Variants in PCLO observed in about 807,000 individuals in gnomAD.
The protein encoded by PCLO is piccolo presynaptic cytomatrix protein, also known as protein piccolo.
In PCLO, 82 loss-of-function variants were observed where a neutral mutation model predicts 427.5. The ratio of observed to expected loss-of-function variants is 0.19; its 90% confidence interval spans 0.16 to 0.23. The LOEUF (loss-of-function observed/expected upper bound fraction) is 0.23, where lower values mean the gene tolerates loss of function less well. PCLO is among the 10% of genes least tolerant of loss of function. The pLI is 1.00. For synonymous variants in PCLO, 2,357 were observed against 2,155.4 expected (o/e 1.09, Z -2.59); for missense variants, 6,239 against 6,115.9 (o/e 1.02, Z -0.67).
chr7:82,886,271 T>G (rs966593704), intron 9 of PCLO, among the ~76,000 whole-genome samples: 3 of 152,154 alleles, frequency 2.0e-5, no homozygotes, highest in Admixed American at 6.5e-5. Context: ...GTTTTATGTA[T>G]GTTTATATCT....
chr7:82,870,882 C>A (rs1434854481), intron 10 of PCLO, among the ~76,000 whole-genome samples: 1 of 151,928 alleles, frequency 6.6e-6, no homozygotes, highest in Non-Finnish European at 1.5e-5. Flanking sequence ...CAAATTAAAA[C>A]CACAGTGAGA....
Position 83,155,712 on chromosome 7 carries a change from G to C in PCLO, c.929C>G (p.Thr310Ser), listed in dbSNP as rs377435737. The C allele has an allele frequency of 1.4e-4, 233 of 1,613,904 alleles. 1 individual carries two copies. Among genetic ancestry groups the C allele is most frequent in the Non-Finnish European group, 1.9e-4 (227 of 1,179,894 alleles). ...SPSKPPIQQP[T>S]PGKPPAQQPG... ...CTGCTGTGCTGGAGGTTTTCCAGGA[G>C]TTGGTTGCTGAATAGGTGGTTTGGA... Residue 310 changes from threonine to serine, a missense_variant, in exon 2 of 25, where the codon ACT becomes AGT. Thr to Ser is a moderately conservative substitution (Grantham distance 58). This residue lies in a region of PCLO where 4,677 missense variants were observed against 4,468.4 expected (regional missense o/e 1.05). Coordinates refer to ENST00000333891, the MANE Select transcript of PCLO (RefSeq NM_033026.6).
chr7:82,805,904 C>T (rs1309099888), intron 20 of PCLO, 75 bp from the exon 21 acceptor site: 3 of 1,374,214 alleles, frequency 2.2e-6, no homozygotes, highest in African/African-American at 1.4e-5. Flanking sequence ...CATCATTATA[C>T]ATCTTCTTAA....
At position 83,152,497 on chromosome 7, in the gene PCLO, C is replaced by T. The variant is rs76181435; in HGVS notation, c.1893+2251G>A. Among the ~76,000 whole-genome samples the T allele has an allele frequency of 1.1e-3, 170 of 152,260 alleles. 4 individuals carry two copies. The East Asian group carries it at 0.026, about 23-fold the overall frequency. ...AAAGTAGAAAGCTCATCACTACCTG[C>T]TAAATGTGTAAGGCTAAAATCTGAC... On this transcript the variant is annotated intron_variant, in intron 2 of 24. Transcript: ENST00000333891.
At chr7:82,839,110 CTT>C (rs1430213170) in intron 14 of PCLO, among the ~76,000 whole-genome samples, 2 of 151,894 alleles carry the variant, frequency 1.3e-5, no homozygotes, top group East Asian at 3.9e-4. Flanking sequence ...TTGAAAGACT[CTT>C]TTGGCATCAT....
rs146134579 is a variant in PCLO, at chr7:83,082,698, A to G, written c.3300+51552T>C. Reference sequence around the variant, plus strand: ...AAGCCTTGAAGTGATAGATACCCTAATTACTCCGATTTGATCATTACACAT... The same window carrying G: ...AAGCCTTGAAGTGATAGATACCCTAGTTACTCCGATTTGATCATTACACAT... On this transcript the variant is annotated intron_variant, in intron 3 of 24. Coordinates refer to ENST00000333891, the MANE Select transcript of PCLO (RefSeq NM_033026.6). 3.0e-3 allele frequency among the ~76,000 whole-genome samples: 452 copies of G among 151,878 alleles called. 2 individuals carry two copies. Among genetic ancestry groups the G allele is most frequent in the African/African-American group, 0.01 (434 of 41,516 alleles).
At chr7:83,161,837 C>A (rs1792444852) in intron 1 of PCLO, among the ~76,000 whole-genome samples, 3 of 152,192 alleles carry the variant, frequency 2.0e-5, no homozygotes, top group Admixed American at 2.0e-4. Flanking sequence ...ACCTAAACAG[C>A]TTCTGCTCTC....
chr7:82,844,712 CT>C (rs1173919426), intron 13 of PCLO, among the ~76,000 whole-genome samples: 1 of 151,942 alleles, frequency 6.6e-6, no homozygotes, highest in Non-Finnish European at 1.5e-5. Flanking sequence ...TAATTTTATG[CT>C]TTTTTAAATT....
At chr7:82,765,858 G>T (rs1251854295) in intron 22 of PCLO, among the ~76,000 whole-genome samples, 3 of 151,104 alleles carry the variant, frequency 2.0e-5, no homozygotes, top group Non-Finnish European at 4.4e-5. Flanking sequence ...CAGATCTTAA[G>T]ATCTCCCTTC....
intron 20 of PCLO, among the ~76,000 whole-genome samples, chr7:82,817,483 A>G (rs2115611109): frequency 6.6e-6 from 1 of 152,164 alleles, no homozygotes; most frequent in East Asian, 1.9e-4. Context: ...ATTAGCTACT[A>G]TCATCTGTAC....
At chr7:82,783,085 G>T (rs1562784045) in intron 22 of PCLO, among the ~76,000 whole-genome samples, 1 of 152,172 alleles carries the variant, frequency 6.6e-6, no homozygotes. Context: ...TTCATCCCTT[G>T]CCTTATAGAA....
intron 2 of PCLO, among the ~76,000 whole-genome samples, chr7:83,152,038 C>T (rs914091104): frequency 6.6e-6 from 1 of 151,620 alleles, no homozygotes; most frequent in Non-Finnish European, 1.5e-5. Flanking sequence ...GATCTTGGCT[C>T]ACTGCAAGCT....
At position 82,952,635 on chromosome 7, in the gene PCLO, G is replaced by A. The variant is rs374547054; in HGVS notation, c.8318C>T (p.Pro2773Leu). 30 of 1,613,894 alleles carry A rather than the reference G, an allele frequency of 1.9e-5. No homozygotes were observed. The East Asian group carries it at 2.5e-4, about 13-fold the overall frequency. Reference protein sequence around the residue: ...VYGKQISAVQPSIINLSVTSS... With the variant: ...VYGKQISAVQLSIINLSVTSS... Reference sequence around the variant, plus strand: ...TGTCACACTAAGATTTATAATAGAGGGTTGGACAGCACTAATTTGTTTCCC... The same window carrying A: ...TGTCACACTAAGATTTATAATAGAGAGTTGGACAGCACTAATTTGTTTCCC... The change falls in exon 5 of 25, where the codon CCC (proline) becomes CTC (leucine). Residue 2773 changes from proline to leucine, a missense_variant. Transcript: ENST00000333891.
At chr7:82,860,462 A>C (rs1299809506) in intron 10 of PCLO, among the ~76,000 whole-genome samples, 1 of 152,140 alleles carries the variant, frequency 6.6e-6, no homozygotes, top group Non-Finnish European at 1.5e-5. Flanking sequence ...TCTGGTAAAA[A>C]TACCCTTCAA....
chr7:82,888,853 G>A (rs986429403), intron 9 of PCLO, among the ~76,000 whole-genome samples: 1 of 152,074 alleles, frequency 6.6e-6, no homozygotes, highest in African/African-American at 2.4e-5. Context: ...AAGAAACAGA[G>A]CTAATTGTGA....
Position 82,951,375 on chromosome 7 carries a change from T to C in PCLO, c.9213A>G (p.Pro3071=). 1 of 1,605,076 alleles carries C rather than the reference T, an allele frequency of 6.2e-7. No individual in the cohort carries two copies. Among genetic ancestry groups the C allele is most frequent in the Non-Finnish European group, 8.5e-7 (1 of 1,175,416 alleles). ...TCCCCACACAATACTGGGGTCCTGG[T>C]GGTGGTGTCATTCTTGCTGTGGAAT... ...PQYSTARMTP[P]PGPQYCVGSV... is the part of the protein sequence containing the mutation. The change falls in exon 6 of 25, where the codon CCA becomes CCG. Residue 3071 remains proline, a synonymous_variant. Transcript: ENST00000333891.
At chr7:82,807,310 A>C (rs1469856557) in intron 20 of PCLO, among the ~76,000 whole-genome samples, 2 of 152,188 alleles carry the variant, frequency 1.3e-5, no homozygotes, top group Non-Finnish European at 1.5e-5. Context: ...TTCTACTTAG[A>C]GTCTTTTTTC....
chr7:83,087,224 A>T (rs1036742078), intron 3 of PCLO, among the ~76,000 whole-genome samples: 29 of 147,182 alleles, frequency 2.0e-4, no homozygotes, highest in African/African-American at 6.8e-4. Flanking sequence ...AGCATAATAA[A>T]AAAAAAAAAA....
intron 22 of PCLO, 68 bp downstream of exon 22, chr7:82,801,450 A>G: frequency 2.4e-6 from 2 of 818,124 alleles, no homozygotes; most frequent in Non-Finnish European, 4.2e-6. Context: ...TAAAAGAAAA[A>G]CAACTGAAAC....
Sources: gnomAD v4.1 joint callset for allele counts (sites outside exome capture counted in the v4.1 genomes callset) on GRCh38, gnomAD v4.1.1 for gene constraint, gnomAD v4.1.1 regional missense constraint, MANE v1.5 for transcripts, NCBI Gene and HGNC (gene_info 2026-07-23, HGNC 2026-07-21) for gene names.